Variants in CACNA2D1 observed in about 807,000 individuals in gnomAD.
CACNA2D1 encodes the protein voltage-dependent calcium channel subunit alpha-2/delta-1.
A neutral mutation model predicts 171.5 loss-of-function variants in CACNA2D1; 53 were observed. The ratio of observed to expected loss-of-function variants is 0.31; its 90% CI spans 0.25 to 0.39. The LOEUF (loss-of-function observed/expected upper bound fraction) is 0.39, where lower values mean the gene tolerates loss of function less well. Among genes scored for constraint, CACNA2D1 ranks in the 10% least tolerant of loss-of-function variants. The probability of loss-of-function intolerance (pLI) is 1.00; values close to 1 mark genes in which losing one functional copy is unlikely to be tolerated. For missense variants in CACNA2D1, 903 were observed against 1,299.8 expected (o/e 0.69, Z 4.69); for synonymous variants, 442 against 443.1 (o/e 1.00, Z 0.03).
At chr7:82,350,965 G>C (rs929493348) in intron 1 of CACNA2D1, among the ~76,000 whole-genome samples, 1 of 152,158 alleles carries the variant, frequency 6.6e-6, no homozygotes, top group Non-Finnish European at 1.5e-5. Context: ...TGGTATGAGA[G>C]ATATTACCAA....
chr7:82,430,006 A>G (rs1374746057), intron 1 of CACNA2D1, among the ~76,000 whole-genome samples: 4 of 152,194 alleles, frequency 2.6e-5, no homozygotes, highest in Non-Finnish European at 4.4e-5. Context: ...TGTAAATTTA[A>G]GTCAATTCTA....
In CACNA2D1 at chr7:82,443,757, C is replaced by G. The variant is rs916798961; in HGVS notation, c.-298G>C. The G allele has an allele frequency of 1.7e-6, 2 of 1,152,826 alleles. No individual in the cohort carries two copies. Among genetic ancestry groups the G allele is most frequent in the Admixed American group, 4.3e-5 (1 of 23,504 alleles). The allele number at this position is 1,152,826 out of a possible 1,614,324, so 71.4% of individuals were successfully genotyped here. A position where few individuals can be genotyped will look rare whatever the true frequency, so the allele number is the denominator to read the frequency against. On this transcript the variant is annotated 5_prime_UTR_variant, in exon 1 of 39. Transcript: ENST00000356860. ...TGGAAACAGACCTCGGCGAGCCCGCCGGCGCTCGCGCGCTCTCGCTCTCCC... is the reference window on the plus strand; with the variant it reads ...TGGAAACAGACCTCGGCGAGCCCGCGGGCGCTCGCGCGCTCTCGCTCTCCC...
chr7:82,405,366 T>G (rs562861110), intron 1 of CACNA2D1, among the ~76,000 whole-genome samples: 2 of 152,324 alleles, frequency 1.3e-5, no homozygotes, highest in African/African-American at 4.8e-5. Context: ...AATGTAGATA[T>G]CTAACTAAAT....
chr7:82,180,646 G>A (rs748511400), intron 3 of CACNA2D1, among the ~76,000 whole-genome samples: 7 of 152,256 alleles, frequency 4.6e-5, no homozygotes, highest in South Asian at 2.1e-4. Context: ...CTGATGAGGC[G>A]CTGGGTTGTG....
chr7:82,410,378 A>C, intron 1 of CACNA2D1: 3 of 316,094 alleles, frequency 9.5e-6, no homozygotes, highest in Non-Finnish European at 1.4e-5. Context: ...CGGTTTACCT[A>C]ATCCATTTTT....
intron 10 of CACNA2D1, among the ~76,000 whole-genome samples, chr7:82,054,538 C>CT (rs1363716926): frequency 1.7e-4 from 26 of 152,218 alleles, no homozygotes; most frequent in Admixed American, 1.7e-3. Flanking sequence ...AATTCTCTGC[C>CT]TTGTTTTAAT....
chr7:81,972,990 A>G (rs1056108123), intron 25 of CACNA2D1, among the ~76,000 whole-genome samples: 1 of 152,034 alleles, frequency 6.6e-6, no homozygotes, highest in Admixed American at 6.6e-5. Flanking sequence ...AAAACAGTTC[A>G]TTTGGAAAGT....
intron 2 of CACNA2D1, among the ~76,000 whole-genome samples, chr7:82,348,518 C>T (rs963996365): frequency 6.6e-6 from 1 of 152,094 alleles, no homozygotes; most frequent in Admixed American, 6.6e-5. Flanking sequence ...CATTGTTATT[C>T]GCAGGGAACA....
At chr7:82,347,274 C>CTATTT (rs1450005536) in intron 2 of CACNA2D1, among the ~76,000 whole-genome samples, 6 of 152,130 alleles carry the variant, frequency 3.9e-5, no homozygotes, top group African/African-American at 9.6e-5. Context: ...AAATATATTA[C>CTATTT]TATTTTATTT....
chr7:82,307,205 T>C (rs1006573629), intron 3 of CACNA2D1, among the ~76,000 whole-genome samples: 1 of 152,166 alleles, frequency 6.6e-6, no homozygotes, highest in Non-Finnish European at 1.5e-5. Flanking sequence ...TTGCCCAGGC[T>C]GGAGTGTAAT....
intron 15 of CACNA2D1, among the ~76,000 whole-genome samples, chr7:82,011,706 TG>T (rs766680967): frequency 2.0e-5 from 3 of 152,192 alleles, no homozygotes; most frequent in Non-Finnish European, 4.4e-5. Flanking sequence ...CATGTACTCC[TG>T]AGTTTTAGCA....
At chr7:82,417,534 C>A (rs1011101251) in intron 1 of CACNA2D1, among the ~76,000 whole-genome samples, 2 of 152,106 alleles carry the variant, frequency 1.3e-5, no homozygotes, top group African/African-American at 4.8e-5. Flanking sequence ...TGAGAATCAG[C>A]CAGAATTGGA....
chr7:82,399,900 C>T (rs1826172399), intron 1 of CACNA2D1, among the ~76,000 whole-genome samples: 1 of 152,078 alleles, frequency 6.6e-6, no homozygotes, highest in Admixed American at 6.6e-5. Flanking sequence ...TTCCAGATTT[C>T]CAGGTTTGTA....
chr7:82,016,554 T>C (rs1438959614), intron 12 of CACNA2D1, among the ~76,000 whole-genome samples: 1 of 150,226 alleles, frequency 6.7e-6, no homozygotes, highest in Non-Finnish European at 1.5e-5. Context: ...GATCCACACA[T>C]ATGATTATTT....
intron 3 of CACNA2D1, among the ~76,000 whole-genome samples, chr7:82,309,837 T>G (rs1814208016): frequency 6.6e-6 from 1 of 152,132 alleles, no homozygotes; most frequent in Non-Finnish European, 1.5e-5. Flanking sequence ...TTCATACCTG[T>G]CCTGAATGCC....
intron 38 of CACNA2D1, among the ~76,000 whole-genome samples, chr7:81,952,734 C>A (rs1792751006): frequency 6.6e-6 from 1 of 152,008 alleles, no homozygotes; most frequent in Admixed American, 6.6e-5. Flanking sequence ...TCTTCCTTTA[C>A]ACTTTGTTCC....
At chr7:82,424,539 G>A (rs1464363195) in intron 1 of CACNA2D1, among the ~76,000 whole-genome samples, 2 of 152,126 alleles carry the variant, frequency 1.3e-5, no homozygotes, top group Non-Finnish European at 2.9e-5. Flanking sequence ...CAAATAAATG[G>A]ATATTTTTCA....
At chr7:82,103,394 A>G (rs1812921217) in intron 6 of CACNA2D1, among the ~76,000 whole-genome samples, 1 of 152,206 alleles carries the variant, frequency 6.6e-6, no homozygotes, top group African/African-American at 2.4e-5. Context: ...ATTTTAATTA[A>G]GAGAGGAGAA....
At chr7:82,034,118 A>T (rs930804130) in intron 11 of CACNA2D1, among the ~76,000 whole-genome samples, 2 of 152,096 alleles carry the variant, frequency 1.3e-5, no homozygotes, top group Admixed American at 6.6e-5. Flanking sequence ...TTTTTCTTCC[A>T]TAAGTCTTCA....
Sources: allele counts gnomAD v4.1 joint callset (sites outside exome capture counted in the v4.1 genomes callset), GRCh38; gene constraint gnomAD v4.1.1; transcripts MANE v1.5; gene names NCBI Gene and HGNC (gene_info 2026-07-23, HGNC 2026-07-21).